RASA2: variants seen among roughly 807,000 people sequenced by gnomAD.
RASA2 encodes ras GTPase-activating protein 2.
In RASA2, 155 loss-of-function variants were observed where a neutral mutation model predicts 118.2. The observed-to-expected ratio is 1.31, with a 90% CI of 1.15 to 1.50. RASA2 has a LOEUF of 1.50. Among genes scored for constraint, RASA2 ranks in the 40% most tolerant of loss-of-function variants. The pLI is 0.00. For synonymous variants in RASA2, 353 were observed against 349.1 expected (o/e 1.01, Z -0.12); for missense variants, 1,016 against 1,009.6 (o/e 1.01, Z -0.09).
intron 1 of RASA2, among the ~76,000 whole-genome samples, chr3:141,487,517 C>T (rs1385502222): frequency 1.3e-5 from 2 of 150,118 alleles, no homozygotes; most frequent in South Asian, 2.1e-4. Context: ...GGCCTGGACG[C>T]GGGGACGCTG....
At chr3:141,556,529 T>C (rs2082652635) in intron 7 of RASA2, among the ~76,000 whole-genome samples, 1 of 152,172 alleles carries the variant, frequency 6.6e-6, no homozygotes, top group South Asian at 2.1e-4. Context: ...CATAGACAGC[T>C]TCAGCTGCCT....
intron 5 of RASA2, among the ~76,000 whole-genome samples, chr3:141,549,182 C>T (rs1257143035): frequency 6.6e-6 from 1 of 152,188 alleles, no homozygotes; most frequent in African/African-American, 2.4e-5. Flanking sequence ...TACTCCTTTT[C>T]TTGACATTGA....
At chr3:141,600,430 G>T (rs928748229) in intron 19 of RASA2, 13 of 427,150 alleles carry the variant, frequency 3.0e-5, no homozygotes, top group African/African-American at 2.5e-4. Flanking sequence ...TGCAGCCCCC[G>T]ACCACATTCT....
chr3:141,564,402 A>C (rs1329200385), intron 9 of RASA2, among the ~76,000 whole-genome samples: 1 of 152,230 alleles, frequency 6.6e-6, no homozygotes, highest in East Asian at 1.9e-4. Context: ...CTGAGTAAGC[A>C]GTAATACAAG....
intron 15 of RASA2, among the ~76,000 whole-genome samples, chr3:141,579,715 C>G (rs1211491047): frequency 1.3e-5 from 2 of 151,978 alleles, no homozygotes; most frequent in Non-Finnish European, 2.9e-5. Flanking sequence ...CCAGGTAATC[C>G]AAGGTGCCAT....
At chr3:141,595,230 A>T (rs12487428) in intron 19 of RASA2, among the ~76,000 whole-genome samples, 1 of 152,248 alleles carries the variant, frequency 6.6e-6, no homozygotes, top group African/African-American at 2.4e-5. Context: ...GAAAACGTAT[A>T]ACAAAATGAT....
chr3:141,573,289 T>C lies in RASA2; in HGVS notation c.1359+68T>C, dbSNP rs1368205424. 2.1e-6 allele frequency: 3 copies of C among 1,448,510 alleles called. No individual in the cohort carries two copies. In the African/African-American group the frequency reaches 4.5e-5, roughly 22 times the overall value. 89.7% of individuals were successfully genotyped at this position (1,448,510 alleles called of 1,614,324 possible). A position where few individuals can be genotyped will look rare whatever the true frequency, so the allele number is the denominator to read the frequency against. On this transcript the variant is annotated intron_variant, in intron 13 of 23. Transcript: ENST00000286364. ...CTTAATGGTGTACCTTTCTCCCACT[T>C]ACATTATGATAAAGCCATATAGAGG...
intron 3 of RASA2, among the ~76,000 whole-genome samples, chr3:141,526,532 G>A (rs1266250389): frequency 6.6e-6 from 1 of 151,190 alleles, no homozygotes; most frequent in Non-Finnish European, 1.5e-5. Context: ...ATGTTATATT[G>A]CCTAATAAAG....
chr3:141,554,451 G>A (rs981199848), intron 6 of RASA2, among the ~76,000 whole-genome samples: 6 of 152,176 alleles, frequency 3.9e-5, no homozygotes, highest in African/African-American at 9.7e-5. Context: ...ATGGCAAAGT[G>A]TACCATATCA....
intron 15 of RASA2, among the ~76,000 whole-genome samples, chr3:141,577,388 G>A (rs1016895926): frequency 6.6e-6 from 1 of 152,052 alleles, no homozygotes; most frequent in African/African-American, 2.4e-5. Flanking sequence ...ATCTGCTACT[G>A]TGTGTGTTTG....
At chr3:141,592,802 G>A (rs1400754418) in intron 19 of RASA2, among the ~76,000 whole-genome samples, 1 of 149,660 alleles carries the variant, frequency 6.7e-6, no homozygotes, top group African/African-American at 2.5e-5. Flanking sequence ...AATAGATAAA[G>A]AACTCTTTTT....
intron 9 of RASA2, among the ~76,000 whole-genome samples, chr3:141,568,831 G>A (rs542668380): frequency 6.6e-6 from 1 of 151,960 alleles, no homozygotes; most frequent in South Asian, 2.1e-4. Flanking sequence ...AATTTTGTGG[G>A]CAATATGATG....
At chr3:141,530,275 TC>T (rs1445429037) in intron 4 of RASA2, among the ~76,000 whole-genome samples, 1 of 152,096 alleles carries the variant, frequency 6.6e-6, no homozygotes, top group African/African-American at 2.4e-5. Flanking sequence ...ACCCACCCTT[TC>T]CTGTTGTTCA....
chr3:141,567,189 G>A (rs1427327150), intron 9 of RASA2, among the ~76,000 whole-genome samples: 1 of 152,126 alleles, frequency 6.6e-6, no homozygotes. Flanking sequence ...GCTGAGGCGG[G>A]TAGATCACCT....
intron 17 of RASA2, among the ~76,000 whole-genome samples, chr3:141,584,230 C>CTGAGAG (rs1251696607): frequency 2.8e-4 from 41 of 145,232 alleles, no homozygotes; most frequent in African/African-American, 9.4e-4. Flanking sequence ...ACTCGGGAGG[C>CTGAGAG]TGAGGCAGGA....
intron 5 of RASA2, among the ~76,000 whole-genome samples, chr3:141,543,524 G>T (rs2082435885): frequency 6.6e-6 from 1 of 151,842 alleles, no homozygotes; most frequent in African/African-American, 2.4e-5. Flanking sequence ...CCTTTCTGAT[G>T]TTTCACGATT....
intron 3 of RASA2, among the ~76,000 whole-genome samples, chr3:141,524,477 G>A (rs1050189702): frequency 6.6e-5 from 10 of 152,144 alleles, no homozygotes; most frequent in African/African-American, 2.2e-4. Flanking sequence ...CTAAGGCTTC[G>A]AAGTGCTGCC....
intron 5 of RASA2, among the ~76,000 whole-genome samples, chr3:141,544,630 T>C (rs2082457102): frequency 6.6e-6 from 1 of 152,246 alleles, no homozygotes; most frequent in African/African-American, 2.4e-5. Context: ...TTATAACTTT[T>C]TTCCTTTGGT....
At chr3:141,601,467 A>G (rs1440793254) in intron 19 of RASA2, among the ~76,000 whole-genome samples, 1 of 151,610 alleles carries the variant, frequency 6.6e-6, no homozygotes, top group Non-Finnish European at 1.5e-5. Flanking sequence ...AAAAAAGATG[A>G]TAGAATCATA....
Sources: gnomAD v4.1 joint callset for allele counts (sites outside exome capture counted in the v4.1 genomes callset) on GRCh38, gnomAD v4.1.1 for gene constraint, MANE v1.5 for transcripts, NCBI Gene and HGNC (gene_info 2026-07-23, HGNC 2026-07-21) for gene names.